Variants in MUC12 observed in about 807,000 individuals in gnomAD.
MUC12 encodes mucin 12, cell surface associated, also known as mucin-12.
In MUC12, 172 loss-of-function variants were observed where a neutral mutation model predicts 230.8. That is an observed-to-expected ratio of 0.75 (90% CI 0.66 to 0.85). The LOEUF is 0.85. Ranked by LOEUF, MUC12 falls within the 40% of genes least tolerant of loss-of-function variation. The pLI is 0.00. For synonymous variants in MUC12, 1,259 were observed against 2,401.9 expected, an observed-to-expected ratio of 0.52 and a Z score of 13.91; for missense variants, 3,506 against 5,920.6, an observed-to-expected ratio of 0.59 and a Z score of 13.38.
rs1482095552 is a variant in MUC12 at position 100,998,233 on chromosome 7, C to T, written c.7670C>T (p.Ser2557Leu). ...ACCACCTTCCAGACCCACCCAGCCT[C>T]AACTCACACGACGCCTTCACCTCCT... ...ESTTFQTHPA[S>L]THTTPSPPST... Residue 2557 changes from serine to leucine, a missense_variant, in exon 2 of 12, where the codon TCA becomes TTA. Physicochemically the swap from Ser to Leu is moderately radical, Grantham distance 145 (BLOSUM62 -2). Coordinates refer to ENST00000536621, the MANE Select transcript of MUC12 (RefSeq NM_001164462.2). 1 of 828,920 alleles carries T rather than the reference C, an allele frequency of 1.2e-6. No homozygotes were observed. Among genetic ancestry groups the T allele is most frequent in the Non-Finnish European group, 1.8e-6 (1 of 564,672 alleles). 51.3% of individuals were successfully genotyped at this position (828,920 alleles called of 1,614,324 possible). A position where few individuals can be genotyped will look rare whatever the true frequency, so the allele number is the denominator to read the frequency against.
In MUC12 at chr7:100,992,616, G is replaced by C; in HGVS notation, c.2053G>C (p.Glu685Gln). The change falls in exon 2 of 12, where the codon GAA becomes CAA. Residue 685 changes from glutamate (E) to glutamine (Q), a missense_variant. By Grantham distance (29) the Glu-to-Gln change is conservative (BLOSUM62 2). Coordinates refer to ENST00000536621, the MANE Select transcript of MUC12 (RefSeq NM_001164462.2). ...ARSTTSGLVE[E>Q]STTYHSSPGS... Reference sequence around the variant, plus strand: ...CTCCACAACCTCAGGCCTCGTTGAAGAATCTACGACCTACCACAGCAGCCC... The same window carrying C: ...CTCCACAACCTCAGGCCTCGTTGAACAATCTACGACCTACCACAGCAGCCC... The C allele has an allele frequency of 1.3e-6, 2 of 1,537,758 alleles. No individual in the cohort carries two copies. The highest frequency in any genetic ancestry group is 8.7e-7 in the Non-Finnish European group (1 of 1,146,974).
At chr7:100,975,305 C>T (rs974922907) in intron 1 of MUC12, among the ~76,000 whole-genome samples, 1 of 152,426 alleles carries the variant, frequency 6.6e-6, no homozygotes, top group Non-Finnish European at 1.5e-5. Flanking sequence ...CCTGGAGGGG[C>T]GGGGCCAGGG....
chr7:100,995,870 T>G lies in MUC12; in HGVS notation c.5307T>G (p.Ser1769=). The change falls in exon 2 of 12, where the codon TCT becomes TCG. Residue 1769 remains serine (S), a synonymous_variant. Coordinates refer to ENST00000536621, the MANE Select transcript of MUC12 (RefSeq NM_001164462.2). ...CAACCTCAGGCCTCGTTGAAGAATC[T>G]ACGGCGTACCACAGCAGCCCGGGCT... ...RSTTSGLVEE[S]TAYHSSPGST... 5 of 1,436,618 alleles carry G rather than the reference T, an allele frequency of 3.5e-6. No individual in the cohort carries two copies. The East Asian group carries it at 1.3e-4, about 36-fold the overall frequency. The allele number at this position is 1,436,618 out of a possible 1,614,324, so 89.0% of individuals were successfully genotyped here.
In MUC12 at chr7:100,991,762, C is replaced by A. The variant is rs371604492; in HGVS notation, c.1199C>A (p.Thr400Asn). The A allele has an allele frequency of 1.3e-6, 2 of 1,538,006 alleles. No individual in the cohort carries two copies. Among genetic ancestry groups the A allele is most frequent in the East Asian group, 4.9e-5 (2 of 40,928 alleles). The change falls in exon 2 of 12, where the codon ACT (threonine) becomes AAT (asparagine). Residue 400 changes from threonine (T) to asparagine (N), a missense_variant. By Grantham distance (65) the Thr-to-Asn change is moderately conservative. Transcript: ENST00000536621. Reference sequence around the variant, plus strand: ...AGCACAACACACACAAAATCTTCAACTCCTAGCACCACAGCTGCCCTAGCA... The same window carrying A: ...AGCACAACACACACAAAATCTTCAAATCCTAGCACCACAGCTGCCCTAGCA... ...HGSTTHTKSSTPSTTAALAHT... is the reference protein window; with the variant it reads ...HGSTTHTKSSNPSTTAALAHT...
chr7:100,992,164 C>A lies in MUC12; in HGVS notation c.1601C>A (p.Thr534Lys). 4 of 1,537,956 alleles carry A rather than the reference C, an allele frequency of 2.6e-6. No homozygotes were observed. The highest frequency in any genetic ancestry group is 3.5e-6 in the Non-Finnish European group (4 of 1,147,078). ...SHSRPGSTHT[T>K]AFPGSTTMPG... ...AGCCGACCAGGCTCAACACACACAA[C>A]AGCATTCCCTGGCAGTACCACCATG... The change falls in exon 2 of 12, where the codon ACA becomes AAA. Residue 534 changes from threonine to lysine, a missense_variant. Coordinates refer to ENST00000536621, the MANE Select transcript of MUC12 (RefSeq NM_001164462.2).
Position 101,008,770 on chromosome 7 carries a change from A to G in MUC12, c.15186+9A>G. 2 of 1,536,202 alleles carry G rather than the reference A, an allele frequency of 1.3e-6. No homozygotes were observed. Among genetic ancestry groups the G allele is most frequent in the Non-Finnish European group, 1.7e-6 (2 of 1,146,374 alleles). On this transcript the variant is annotated intron_variant, in intron 4 of 11. Transcript: ENST00000536621. The stretch of plus-strand genomic sequence containing the variant: ...CCCTCTTCAAGAATCGGGTAAGACC[A>G]GGGCACACCCAGACACCCCAGGGTG...
In MUC12 at chr7:100,994,723, GC is replaced by G; in HGVS notation, c.4163del (p.Pro1388GlnfsTer14). On this transcript the variant is annotated frameshift_variant, in exon 2 of 12. Transcript: ENST00000536621. LOFTEE classifies it high-confidence loss of function. Reference sequence around the variant, plus strand: ...CAACAATCTACAACCTTCCACAGCAGCCCAGGCGACACTGAAACCACACTCT... The same window carrying G: ...CAACAATCTACAACCTTCCACAGCAGCCAGGCGACACTGAAACCACACTCT... ...LGQQSTTFHS[S>X]PGDTETTLLP... 1 of 908,732 alleles carries G rather than the reference GC, an allele frequency of 1.1e-6. No individual in the cohort carries two copies. The highest frequency in any genetic ancestry group is 1.6e-6 in the Non-Finnish European group (1 of 626,616). The allele number at this position is 908,732 out of a possible 1,614,324, so 56.3% of individuals were successfully genotyped here. A position where few individuals can be genotyped will look rare whatever the true frequency, so the allele number is the denominator to read the frequency against.
At position 100,992,579 on chromosome 7, in the gene MUC12, C is replaced by T. The variant is rs539963778; in HGVS notation, c.2016C>T (p.His672=). ...GCCCGAGCTCAATTCCAACAACCCA[C>T]ATTTCTGCCCGCTCCACAACCTCAG... The part of the protein sequence containing the change: ...HGSPSSIPTT[H]ISARSTTSGL... Residue 672 remains histidine, a synonymous_variant, in exon 2 of 12, where the codon CAC becomes CAT. Transcript: ENST00000536621. 16 of 1,537,922 alleles carry T rather than the reference C, an allele frequency of 1.0e-5. No individual in the cohort carries two copies. The highest frequency in any genetic ancestry group is 4.9e-5 in the East Asian group (2 of 40,926).
At position 101,018,787 on chromosome 7, in the gene MUC12, T is replaced by C. The variant is rs1476960333; in HGVS notation, c.*151T>C. On this transcript the variant is annotated 3_prime_UTR_variant, in exon 12 of 12. Coordinates refer to ENST00000536621, the MANE Select transcript of MUC12 (RefSeq NM_001164462.2). ...GAGCTGACAGACTTGGCCAGTCCCC[T>C]GCCTGTGCTCCTGCTGGGGAAGGCT... The C allele has an allele frequency of 2.2e-5, 16 of 713,304 alleles. No homozygotes were observed. The highest frequency in any genetic ancestry group is 3.2e-5 in the Non-Finnish European group (15 of 467,962). 44.2% of individuals were successfully genotyped at this position (713,304 alleles called of 1,614,324 possible). A position where few individuals can be genotyped will look rare whatever the true frequency, so the allele number is the denominator to read the frequency against.
rs965346516 is a variant in MUC12 at position 100,991,454 on chromosome 7, C to T, written c.891C>T (p.Ala297=). Residue 297 remains alanine, a synonymous_variant, in exon 2 of 12, where the codon GCC becomes GCT. Transcript: ENST00000536621. ...CTGCACCTTCTGGTACCACATCAGCCTTTGTTAAACTATCTACAACTTATC... is the reference window on the plus strand; with the variant it reads ...CTGCACCTTCTGGTACCACATCAGCTTTTGTTAAACTATCTACAACTTATC... ...TSPAPSGTTS[A]FVKLSTTYHS... is the part of the protein sequence containing the mutation. 8.5e-6 allele frequency: 13 copies of T among 1,537,700 alleles called. No individual in the cohort carries two copies. The African/African-American group carries it at 1.4e-4, about 16-fold the overall frequency.
At position 101,012,325 on chromosome 7, in the gene MUC12, T is replaced by G; in HGVS notation, c.15281T>G (p.Val5094Gly). ...GGTAGCATCGTGGTCAAGAACGATGTCATCCTGGAGGCAGACTACACTTTA... is the reference window on the plus strand; with the variant it reads ...GGTAGCATCGTGGTCAAGAACGATGGCATCCTGGAGGCAGACTACACTTTA... ...LNGSIVVKND[V>G]ILEADYTLEY... Residue 5094 changes from valine to glycine, a missense_variant, in exon 6 of 12, where the codon GTC (valine) becomes GGC (glycine). By Grantham distance (109) the Val-to-Gly change is moderately radical. Coordinates refer to ENST00000536621, the MANE Select transcript of MUC12 (RefSeq NM_001164462.2). 1 of 1,537,326 alleles carries G rather than the reference T, an allele frequency of 6.5e-7. No individual in the cohort carries two copies. The highest frequency in any genetic ancestry group is 1.2e-5 in the South Asian group (1 of 84,050).
chr7:100,977,695 C>T (rs1004782406), intron 1 of MUC12, among the ~76,000 whole-genome samples: 4 of 150,748 alleles, frequency 2.7e-5, no homozygotes, highest in African/African-American at 4.9e-5. Context: ...ATGTTTATCT[C>T]GTTATTTAGA....
intron 11 of MUC12, 79 bp from the exon 12 acceptor site, chr7:101,018,516 C>T (rs1253541189): frequency 1.4e-6 from 2 of 1,451,526 alleles, no homozygotes; most frequent in Non-Finnish European, 9.3e-7. Flanking sequence ...TCCTCCCCGC[C>T]AGGGCTCCCT....
chr7:101,013,283 G>C (rs1430468402), intron 8 of MUC12, 141 bp downstream of exon 8: 1 of 882,846 alleles, frequency 1.1e-6, no homozygotes, highest in Non-Finnish European at 1.7e-6. Flanking sequence ...CCTCTCCCCT[G>C]TAATCTCATT....
At chr7:100,987,133 C>A (rs1324255124) in intron 1 of MUC12, among the ~76,000 whole-genome samples, 1 of 136,486 alleles carries the variant, frequency 7.3e-6, no homozygotes, top group Non-Finnish European at 1.5e-5. Context: ...ATGGTGCAAT[C>A]TCGGCTCACC....
chr7:101,005,051 G>T lies in MUC12; in HGVS notation c.14488G>T (p.Gly4830Cys). 2.6e-6 allele frequency: 4 copies of T among 1,537,760 alleles called. No homozygotes were observed. Among genetic ancestry groups the T allele is most frequent in the Non-Finnish European group, 2.6e-6 (3 of 1,147,042 alleles). ...ATTTACCACCCCTCATAGCCAACCAGGCTCAGCTCTGTCAACAGTGTCACC... is the reference window on the plus strand; with the variant it reads ...ATTTACCACCCCTCATAGCCAACCATGCTCAGCTCTGTCAACAGTGTCACC... ...QEFTTPHSQP[G>C]SALSTVSPAS... Residue 4830 changes from glycine (G) to cysteine (C), a missense_variant, in exon 2 of 12, where the codon GGC becomes TGC. Gly to Cys is a radical substitution (Grantham distance 159, BLOSUM62 -3). Coordinates refer to ENST00000536621, the MANE Select transcript of MUC12 (RefSeq NM_001164462.2).
chr7:100,995,670 C>T lies in MUC12; in HGVS notation c.5107C>T (p.Pro1703Ser), dbSNP rs373984966. 48 of 1,537,226 alleles carry T rather than the reference C, an allele frequency of 3.1e-5. No homozygotes were observed. In the African/African-American group the frequency reaches 4.8e-4, roughly 15 times the overall value. Residue 1703 changes from proline (P) to serine (S), a missense_variant, in exon 2 of 12, where the codon CCT (proline) becomes TCT (serine). Transcript: ENST00000536621. ...PSSKDTMPAP[P>S]TTTSAFVELS... ...CTCAAAGGACACTATGCCTGCACCT[C>T]CTACTACCACATCAGCCTTTGTTGA...
rs138586862 is a variant in MUC12 at position 101,017,639 on chromosome 7, G to A, written c.15942G>A (p.Leu5314=). The change falls in exon 11 of 12, where the codon CTG becomes CTA. Residue 5314 remains leucine, a synonymous_variant. Transcript: ENST00000536621. ...ENAYNNFRPT[L]ETVDSGTELH... ...CCTACAACAACTTCCGGCCCACCCT[G>A]GAGACTGTTGACTCTGGCACAGAGG... is the stretch of plus-strand genomic sequence containing the variant. 899 of 1,535,936 alleles carry A rather than the reference G, an allele frequency of 5.9e-4. 7 individuals are homozygous for A. In the African/African-American group the frequency reaches 0.011, roughly 18 times the overall value.
intron 1 of MUC12, among the ~76,000 whole-genome samples, chr7:100,980,613 A>G (rs778741060): frequency 4.9e-4 from 74 of 152,228 alleles, no homozygotes; most frequent in Non-Finnish European, 8.2e-4. Flanking sequence ...ATGAATAACT[A>G]GGAATGTCAT....
Sources: allele counts gnomAD v4.1 joint callset (sites outside exome capture counted in the v4.1 genomes callset), GRCh38; gene constraint gnomAD v4.1.1; transcripts MANE v1.5; gene names NCBI Gene and HGNC (gene_info 2026-07-23, HGNC 2026-07-21).